EPHB1: variants seen among roughly 807,000 people sequenced by gnomAD.
The protein encoded by EPHB1 is ephrin type-B receptor 1.
In EPHB1, 30 loss-of-function variants were observed where a neutral mutation model predicts 94.4. The observed-to-expected ratio is 0.32, with a 90% CI of 0.24 to 0.43. The LOEUF (loss-of-function observed/expected upper bound fraction) is 0.43, where lower values mean the gene tolerates loss of function less well. EPHB1 is among the 20% of genes least tolerant of loss of function. The pLI is 1.00. For missense variants in EPHB1, 1,055 were observed against 1,308.3 expected, an observed-to-expected ratio of 0.81 and a Z score of 2.99; for synonymous variants, 522 against 489.1, an observed-to-expected ratio of 1.07 and a Z score of -0.89.
intron 4 of EPHB1, among the ~76,000 whole-genome samples, chr3:135,129,622 A>G (rs948538592): frequency 3.9e-5 from 6 of 152,230 alleles, no homozygotes; most frequent in Non-Finnish European, 7.3e-5. Flanking sequence ...CCTGTCTACC[A>G]GGAGGCTACA....
rs2107687164 is a variant in EPHB1 at position 135,132,750 on chromosome 3, T to G, written c.998T>G (p.Val333Gly). The change falls in exon 5 of 16, where the codon GTC (valine) becomes GGC (glycine). Residue 333 changes from valine to glycine, a missense_variant. Coordinates refer to ENST00000398015, the MANE Select transcript of EPHB1 (RefSeq NM_004441.5). ...PSGPRNVISI[V>G]NETSIILEWH... The stretch of plus-strand genomic sequence containing the variant: ...GGTCCCCGCAATGTTATCTCCATCG[T>G]CAATGAGACGTCCATCATTCTGGAG... 1 of 1,607,730 alleles carries G rather than the reference T, an allele frequency of 6.2e-7. No homozygotes were observed. The highest frequency in any genetic ancestry group is 1.7e-5 in the Admixed American group (1 of 59,868).
chr3:135,019,174 GC>G (rs980309925), intron 3 of EPHB1, among the ~76,000 whole-genome samples: 4 of 152,102 alleles, frequency 2.6e-5, no homozygotes, highest in African/African-American at 9.7e-5. Flanking sequence ...GGAGGTGGCT[GC>G]CCCCACAGCA....
At chr3:135,217,119 A>G (rs1943165977) in intron 12 of EPHB1, among the ~76,000 whole-genome samples, 1 of 152,158 alleles carries the variant, frequency 6.6e-6, no homozygotes, top group Non-Finnish European at 1.5e-5. Context: ...GCCAGGCCCT[A>G]GACCTGACCT....
At chr3:134,834,915 A>G (rs1346054459) in intron 1 of EPHB1, among the ~76,000 whole-genome samples, 1 of 152,224 alleles carries the variant, frequency 6.6e-6, no homozygotes, top group East Asian at 1.9e-4. Flanking sequence ...TTAAAGTTCA[A>G]TGGGTAGTAT....
chr3:135,114,766 T>TAAATAAATAAATAAATAAAA (rs1553736241), intron 4 of EPHB1, among the ~76,000 whole-genome samples: 2 of 150,388 alleles, frequency 1.3e-5, no homozygotes, highest in African/African-American at 4.9e-5. Context: ...AATAAATAAA[T>TAAATAAATAAATAAATAAAA]AAAACAATAT....
intron 9 of EPHB1, among the ~76,000 whole-genome samples, chr3:135,172,849 G>C (rs1457327158): frequency 1.3e-5 from 2 of 152,184 alleles, no homozygotes; most frequent in Non-Finnish European, 2.9e-5. Context: ...GCTGCTGGCT[G>C]TAAGCCAGAG....
chr3:135,178,599 C>T (rs1426883285), intron 9 of EPHB1, among the ~76,000 whole-genome samples: 2 of 151,968 alleles, frequency 1.3e-5, no homozygotes, highest in Non-Finnish European at 2.9e-5. Flanking sequence ...ATAGAGCCAT[C>T]AGAAGTTTTT....
At chr3:135,069,223 A>C (rs1203776681) in intron 3 of EPHB1, among the ~76,000 whole-genome samples, 1 of 151,706 alleles carries the variant, frequency 6.6e-6, no homozygotes, top group African/African-American at 2.4e-5. Flanking sequence ...ATTTTGAGTT[A>C]ATTTTTGTAT....
chr3:135,140,351 C>G (rs571241897), intron 5 of EPHB1, among the ~76,000 whole-genome samples: 2 of 152,292 alleles, frequency 1.3e-5, no homozygotes, highest in Middle Eastern at 3.4e-3. Context: ...CAGGAGAGAA[C>G]GCCCTGTATC....
intron 3 of EPHB1, among the ~76,000 whole-genome samples, chr3:135,084,113 G>T (rs920831720): frequency 1.3e-5 from 2 of 152,080 alleles, no homozygotes; most frequent in African/African-American, 4.8e-5. Context: ...TAAAAGTAAA[G>T]GAAAGAAAGA....
intron 9 of EPHB1, among the ~76,000 whole-genome samples, chr3:135,175,753 A>G (rs747657855): frequency 6.6e-6 from 1 of 152,330 alleles, no homozygotes; most frequent in African/African-American, 2.4e-5. Flanking sequence ...TTATAGGTAT[A>G]TATTACATCT....
intron 1 of EPHB1, among the ~76,000 whole-genome samples, chr3:134,916,379 G>A (rs899407782): frequency 5.3e-5 from 8 of 152,358 alleles, no homozygotes; most frequent in African/African-American, 1.2e-4. Flanking sequence ...TTGGGCGGTC[G>A]ATGGGACCGG....
At chr3:135,100,614 T>C (rs9845899) in intron 3 of EPHB1, among the ~76,000 whole-genome samples, 34,637 of 152,132 alleles carry the variant, frequency 0.23, 5,500 homozygotes, top group East Asian at 0.75. Flanking sequence ...AGACACTTAA[T>C]CTGTTTCTTT....
intron 1 of EPHB1, among the ~76,000 whole-genome samples, chr3:134,839,355 C>T (rs1003088928): frequency 1.1e-4 from 16 of 152,218 alleles, no homozygotes; most frequent in Admixed American, 5.9e-4. Context: ...CTGAGCTTCA[C>T]CTGGACTTTT....
chr3:135,247,173 A>G (rs1250573457), intron 13 of EPHB1, among the ~76,000 whole-genome samples: 1 of 152,230 alleles, frequency 6.6e-6, no homozygotes, highest in African/African-American at 2.4e-5. Context: ...AGAGAAACAC[A>G]TGAAAAATAT....
intron 1 of EPHB1, among the ~76,000 whole-genome samples, chr3:134,885,707 CA>C (rs1384148223): frequency 6.6e-6 from 1 of 152,184 alleles, no homozygotes; most frequent in Non-Finnish European, 1.5e-5. Flanking sequence ...CAACAGAACC[CA>C]GGGGGCTTAG....
chr3:134,913,917 A>C (rs188611212), intron 1 of EPHB1, among the ~76,000 whole-genome samples: 76 of 152,346 alleles, frequency 5.0e-4, no homozygotes, highest in Middle Eastern at 3.4e-3. Flanking sequence ...ACATTGCTTT[A>C]GACCCAGTTG....
intron 1 of EPHB1, among the ~76,000 whole-genome samples, chr3:134,905,346 G>A (rs76663107): frequency 0.052 from 7,887 of 152,156 alleles, 658 homozygotes; most frequent in African/African-American, 0.18. Context: ...CAAACTGATT[G>A]TGGAGTGTGC....
intron 6 of EPHB1, among the ~76,000 whole-genome samples, chr3:135,157,868 A>G (rs1202960337): frequency 1.3e-5 from 2 of 152,246 alleles, no homozygotes; most frequent in African/African-American, 4.8e-5. Flanking sequence ...AAAAAAGTGT[A>G]TACTTGAAAA....
Sources: allele counts gnomAD v4.1 joint callset (sites outside exome capture counted in the v4.1 genomes callset), GRCh38; gene constraint gnomAD v4.1.1; transcripts MANE v1.5; gene names NCBI Gene and HGNC (gene_info 2026-07-23, HGNC 2026-07-21).